The following PCDHA4 variants were observed in gnomAD, a reference collection of about 807,000 sequenced individuals.
PCDHA4 encodes the protein protocadherin alpha-4.
In PCDHA4, 49 loss-of-function variants were observed where a neutral mutation model predicts 61.4. The observed-to-expected ratio is 0.80, with a 90% CI of 0.63 to 1.01. The LOEUF (loss-of-function observed/expected upper bound fraction) is 1.01. Among genes scored for constraint, PCDHA4 ranks in the 50% least tolerant of loss-of-function variants. The pLI is 0.00. For missense variants in PCDHA4, 1,254 were observed against 1,235.8 expected (o/e 1.01, Z -0.22); for synonymous variants, 590 against 550.3 (o/e 1.07, Z -1.01).
chr5:140,829,191 C>T (rs2150163632), intron 1 of PCDHA4: 2 of 1,614,228 alleles, frequency 1.2e-6, no homozygotes, highest in South Asian at 1.1e-5. Context: ...CAATTTGGTA[C>T]TGTCATCGCC....
intron 1 of PCDHA4, chr5:140,930,511 C>G (rs2086907383): frequency 6.6e-6 from 1 of 152,616 alleles, no homozygotes; most frequent in African/African-American, 2.4e-5. Context: ...GCATGAGCCA[C>G]TGCAGCTGGC....
chr5:140,979,058 C>A, intron 2 of PCDHA4, 51 bp downstream of exon 2: 3 of 1,606,096 alleles, frequency 1.9e-6, no homozygotes, highest in Non-Finnish European at 2.6e-6. Context: ...CTTGGTATGG[C>A]TCAGATAAAC....
chr5:140,969,251 A>G, intron 1 of PCDHA4: 1 of 1,614,262 alleles, frequency 6.2e-7, no homozygotes, highest in South Asian at 1.1e-5. Flanking sequence ...AGTGACTGAC[A>G]GCAGGAATCT....
chr5:141,010,408 A>G lies in PCDHA4; in HGVS notation c.*471A>G. 1 of 1,251,364 alleles carries G rather than the reference A, an allele frequency of 8.0e-7. No homozygotes were observed. Among genetic ancestry groups the G allele is most frequent in the Non-Finnish European group, 1.1e-6 (1 of 926,828 alleles). 77.5% of individuals were successfully genotyped at this position (1,251,364 alleles called of 1,614,324 possible). ...GGCTGAGACGAGCCAGCTTAGACTA[A>G]TTGGTACAAGGAAGGCAAGAAAACA... On this transcript the variant is annotated 3_prime_UTR_variant, in exon 4 of 4. Transcript: ENST00000530339.
chr5:140,875,340 C>A, intron 1 of PCDHA4: 1 of 1,442,242 alleles, frequency 6.9e-7, no homozygotes, highest in Non-Finnish European at 9.1e-7. Flanking sequence ...AGGATCGACT[C>A]CATAATGACT....
At chr5:140,906,111 C>T (rs910809345) in intron 1 of PCDHA4, among the ~76,000 whole-genome samples, 1 of 152,100 alleles carries the variant, frequency 6.6e-6, no homozygotes, top group Admixed American at 6.5e-5. Flanking sequence ...TTTCCCAGTC[C>T]ACTGACACAA....
intron 1 of PCDHA4, chr5:140,849,169 C>A: frequency 1.8e-6 from 2 of 1,130,206 alleles, no homozygotes; most frequent in Non-Finnish European, 2.5e-6. Context: ...CTGACTGGCA[C>A]CGTTCAATTA....
At chr5:140,899,269 A>C (rs1301807291) in intron 1 of PCDHA4, among the ~76,000 whole-genome samples, 2 of 152,260 alleles carry the variant, frequency 1.3e-5, no homozygotes, top group East Asian at 3.9e-4. Context: ...GTCTTGTGGC[A>C]GTTTTCAAAG....
intron 1 of PCDHA4, among the ~76,000 whole-genome samples, chr5:140,909,701 T>A (rs1038404823): frequency 4.6e-4 from 70 of 152,334 alleles, no homozygotes; most frequent in African/African-American, 1.6e-3. Flanking sequence ...TTCTGCTAGC[T>A]GCTAAGTATA....
chr5:140,875,688 G>A (rs1554167865), intron 1 of PCDHA4: 7 of 1,614,004 alleles, frequency 4.3e-6, no homozygotes, highest in Non-Finnish European at 4.2e-6. Context: ...AAAGACACGG[G>A]GACCTTCTGG....
chr5:140,822,002 T>G, intron 1 of PCDHA4: 1 of 1,614,048 alleles, frequency 6.2e-7, no homozygotes, highest in Non-Finnish European at 8.5e-7. Context: ...CTTCTGGAGG[T>G]AAATCTGCAG....
rs2150214360 is a variant in PCDHA4, at chr5:140,834,230, C to A, written c.2385+24658C>A. On this transcript the variant is annotated intron_variant, in intron 1 of 3. Coordinates refer to ENST00000530339, the MANE Select transcript of PCDHA4 (RefSeq NM_018907.4). Reference sequence around the variant, plus strand: ...TCTTTCGTAATCAGCAAAAGGAAGTCATTCCTTTTCGCACTGGAAAGACGC... The same window carrying A: ...TCTTTCGTAATCAGCAAAAGGAAGTAATTCCTTTTCGCACTGGAAAGACGC... 11 of 727,690 alleles carry A rather than the reference C, an allele frequency of 1.5e-5. No individual in the cohort carries two copies. In the African/African-American group the frequency reaches 1.8e-4, roughly 12 times the overall value. The allele number at this position is 727,690 out of a possible 1,614,324, so 45.1% of individuals were successfully genotyped here. A position where few individuals can be genotyped will look rare whatever the true frequency, so the allele number is the denominator to read the frequency against.
At chr5:140,945,164 T>C (rs246060) in intron 1 of PCDHA4, among the ~76,000 whole-genome samples, 85,686 of 151,808 alleles carry the variant, frequency 0.56, 24,785 homozygotes, top group African/African-American at 0.69. Flanking sequence ...TATTGAACTA[T>C]CTGAAAAATA....
chr5:140,873,639 T>G (rs567970956), intron 1 of PCDHA4, among the ~76,000 whole-genome samples: 1 of 152,346 alleles, frequency 6.6e-6, no homozygotes, highest in African/African-American at 2.4e-5. Context: ...AAAGAGTATG[T>G]GAGAACTACA....
intron 1 of PCDHA4, among the ~76,000 whole-genome samples, chr5:140,826,507 A>G (rs1554130579): frequency 6.6e-6 from 1 of 152,188 alleles, no homozygotes. Context: ...TAAGGTGAAG[A>G]TGATCATGTC....
rs2150126846 is a variant in PCDHA4, at chr5:140,823,554, G to A, written c.2385+13982G>A. The stretch of plus-strand genomic sequence containing the variant: ...GTGCGGGCCACGTGGTGGCGAAGGT[G>A]CGCGCAGTGGACCCTGATTCGGGCT... On this transcript the variant is annotated intron_variant, in intron 1 of 3. Coordinates refer to ENST00000530339, the MANE Select transcript of PCDHA4 (RefSeq NM_018907.4). 17,400 of 1,613,832 alleles carry A rather than the reference G, an allele frequency of 0.011. 1,609 individuals are homozygous for A. The African/African-American group carries it at 0.2, about 19-fold the overall frequency.
At chr5:140,883,366 C>T (rs34923516) in intron 1 of PCDHA4, 1 of 1,614,174 alleles carries the variant, frequency 6.2e-7, no homozygotes, top group South Asian at 1.1e-5. Context: ...CTCAGCCTAG[C>T]GCCATTATTG....
At chr5:140,828,529 G>T in intron 1 of PCDHA4, 1 of 1,614,222 alleles carries the variant, frequency 6.2e-7, no homozygotes, top group Non-Finnish European at 8.5e-7. Context: ...ACGAATCTAG[G>T]CTGCCAGATT....
At chr5:140,836,587 TA>T (rs2150264756) in intron 1 of PCDHA4, 1 of 1,613,616 alleles carries the variant, frequency 6.2e-7, no homozygotes, top group African/African-American at 1.3e-5. Context: ...TGTAGTTTGG[TA>T]AAGCCCACTC....
Sources: allele counts gnomAD v4.1 joint callset (sites outside exome capture counted in the v4.1 genomes callset), GRCh38; gene constraint gnomAD v4.1.1; transcripts MANE v1.5; gene names NCBI Gene and HGNC (gene_info 2026-07-23, HGNC 2026-07-21).